Variants in SPIDR observed in about 807,000 individuals in gnomAD.
SPIDR encodes the protein scaffold protein involved in DNA repair.
SPIDR carries 93 observed loss-of-function variants against 104.6 expected under a neutral mutation model. The observed-to-expected ratio is 0.89, with a 90% CI of 0.75 to 1.06. The LOEUF is 1.06. Among genes scored for constraint, SPIDR ranks in the 50% least tolerant of loss-of-function variants. The probability of loss-of-function intolerance (pLI) is 0.00; values close to 1 mark genes in which losing one functional copy is unlikely to be tolerated. For synonymous variants in SPIDR, 431 were observed against 416.9 expected (o/e 1.03, Z -0.41); for missense variants, 1,154 against 1,111.2 (o/e 1.04, Z -0.55).
At chr8:47,663,936 C>G (rs1014526316) in intron 10 of SPIDR, among the ~76,000 whole-genome samples, 13 of 152,174 alleles carry the variant, frequency 8.5e-5, no homozygotes, top group African/African-American at 3.1e-4. Context: ...TTTAAAATCT[C>G]TAGAAATTGT....
At position 47,293,955 on chromosome 8, in the gene SPIDR, G is replaced by A. The variant is rs1051149398; in HGVS notation, c.450G>A (p.Val150=). 9 of 1,614,034 alleles carry A rather than the reference G, an allele frequency of 5.6e-6. No individual in the cohort carries two copies. The highest frequency in any genetic ancestry group is 1.7e-5 in the Admixed American group (1 of 59,980). Residue 150 remains valine (V), a synonymous_variant, in exon 5 of 20, where the codon GTG becomes GTA. Coordinates refer to ENST00000297423, the MANE Select transcript of SPIDR (RefSeq NM_001080394.4). ...CDEFEDDEGA[V]EISDCASCAS... is the part of the protein sequence containing the mutation. Reference sequence around the variant, plus strand: ...AATTTGAAGATGACGAGGGTGCTGTGGAAATCTCAGACTGTGCTTCTTGTG... The same window carrying A: ...AATTTGAAGATGACGAGGGTGCTGTAGAAATCTCAGACTGTGCTTCTTGTG...
intron 8 of SPIDR, among the ~76,000 whole-genome samples, chr8:47,579,867 A>G (rs759809449): frequency 4.5e-4 from 69 of 152,160 alleles, no homozygotes; most frequent in Non-Finnish European, 8.4e-4. Flanking sequence ...TTCCTTACCC[A>G]TATCCAAGTA....
At position 47,595,858 on chromosome 8, in the gene SPIDR, C is replaced by T. The variant is rs997700443; in HGVS notation, c.1145C>T (p.Thr382Ile). Residue 382 changes from threonine to isoleucine, a missense_variant, in exon 9 of 20, where the codon ACT becomes ATT. Transcript: ENST00000297423. The stretch of plus-strand genomic sequence containing the variant: ...GGAAGTTGCCCTGTTATTCTGAATA[C>T]TTACTTTTGTGAGAAAGTTGTTGCC... ...PSGSCPVILN[T>I]YFCEKVVAKE... is the part of the protein sequence containing the mutation. 1 of 1,614,090 alleles carries T rather than the reference C, an allele frequency of 6.2e-7. No individual in the cohort carries two copies. The highest frequency in any genetic ancestry group is 1.7e-5 in the Admixed American group (1 of 60,004).
chr8:47,541,435 T>C (rs993242076), intron 8 of SPIDR, among the ~76,000 whole-genome samples: 1 of 152,202 alleles, frequency 6.6e-6, no homozygotes, highest in Non-Finnish European at 1.5e-5. Context: ...GTTTAAAATA[T>C]AGTGAATAGA....
intron 8 of SPIDR, among the ~76,000 whole-genome samples, chr8:47,562,211 G>A (rs2057172236): frequency 6.6e-6 from 1 of 152,138 alleles, no homozygotes; most frequent in Non-Finnish European, 1.5e-5. Flanking sequence ...CCATTCCTTG[G>A]ATGGTATTTG....
At chr8:47,448,206 TA>T (rs1554703349) in intron 8 of SPIDR, among the ~76,000 whole-genome samples, 1 of 152,230 alleles carries the variant, frequency 6.6e-6, no homozygotes, top group African/African-American at 2.4e-5. Flanking sequence ...TTGCTTTGGC[TA>T]AAACATTCAA....
At chr8:47,357,238 A>G (rs1350555184) in intron 5 of SPIDR, among the ~76,000 whole-genome samples, 1 of 152,178 alleles carries the variant, frequency 6.6e-6, no homozygotes, top group Admixed American at 6.5e-5. Flanking sequence ...ATCTTTTACT[A>G]AGAGTCTGGC....
intron 5 of SPIDR, among the ~76,000 whole-genome samples, chr8:47,374,478 T>C (rs906109037): frequency 1.3e-5 from 2 of 152,232 alleles, no homozygotes; most frequent in Non-Finnish European, 2.9e-5. Flanking sequence ...TGTCCCATTT[T>C]GGTTATATTT....
At chr8:47,684,238 C>G (rs1468796606) in intron 11 of SPIDR, among the ~76,000 whole-genome samples, 1 of 151,230 alleles carries the variant, frequency 6.6e-6, no homozygotes, top group African/African-American at 2.4e-5. Flanking sequence ...GAAGTGTTCT[C>G]AAAAGTGACT....
chr8:47,469,445 A>C (rs1307361696), intron 8 of SPIDR, among the ~76,000 whole-genome samples: 1 of 152,192 alleles, frequency 6.6e-6, no homozygotes, highest in Middle Eastern at 3.2e-3. Flanking sequence ...CATTGTTGAC[A>C]ATAGCAAAAA....
chr8:47,634,154 T>G (rs1395187433), intron 10 of SPIDR, among the ~76,000 whole-genome samples: 3 of 133,300 alleles, frequency 2.3e-5, no homozygotes, highest in South Asian at 2.4e-4. Context: ...AATGCAACTT[T>G]GAAAAACAAC....
chr8:47,626,341 G>T (rs1156427548), intron 10 of SPIDR, among the ~76,000 whole-genome samples: 1 of 152,178 alleles, frequency 6.6e-6, no homozygotes. Flanking sequence ...AGGACTCCAT[G>T]ACTAAAACAC....
chr8:47,435,326 CTG>C (rs4021912), intron 7 of SPIDR, among the ~76,000 whole-genome samples: 3,252 of 145,374 alleles, frequency 0.022, 91 homozygotes, highest in African/African-American at 0.067. Context: ...TTGCTCAGAT[CTG>C]TGTGTGTGTG....
At chr8:47,504,107 T>C (rs544280351) in intron 8 of SPIDR, among the ~76,000 whole-genome samples, 1 of 152,346 alleles carries the variant, frequency 6.6e-6, no homozygotes, top group Admixed American at 6.5e-5. Context: ...CTGACAATTA[T>C]GTGTCTTGGA....
At chr8:47,358,743 G>T (rs2055087675) in intron 5 of SPIDR, among the ~76,000 whole-genome samples, 1 of 152,168 alleles carries the variant, frequency 6.6e-6, no homozygotes, top group South Asian at 2.1e-4. Flanking sequence ...TACTTCAGTA[G>T]CAGAATTTTA....
intron 5 of SPIDR, among the ~76,000 whole-genome samples, chr8:47,331,899 G>A (rs1349252135): frequency 7.0e-6 from 1 of 142,308 alleles, no homozygotes; most frequent in Non-Finnish European, 1.5e-5. Flanking sequence ...CCAGGCTGGA[G>A]TGCAGTGGCG....
intron 8 of SPIDR, among the ~76,000 whole-genome samples, chr8:47,574,918 T>C (rs1017566990): frequency 5.7e-4 from 87 of 152,260 alleles, no homozygotes; most frequent in African/African-American, 2.0e-3. Context: ...TGTGATGATC[T>C]GAATCTATTT....
intron 7 of SPIDR, among the ~76,000 whole-genome samples, chr8:47,437,321 C>T (rs2068528537): frequency 6.7e-6 from 1 of 149,832 alleles, no homozygotes; most frequent in South Asian, 2.1e-4. Flanking sequence ...TCAATTCCCA[C>T]CTGTGAGTGA....
rs982835348 is a variant in SPIDR at position 47,360,863 on chromosome 8, C to T, written c.526-35513C>T. On this transcript the variant is annotated intron_variant, in intron 5 of 19. Transcript: ENST00000297423. The stretch of plus-strand genomic sequence containing the variant: ...TGGTGTTTTCAGCCTTCTTCTTGGA[C>T]GTGCTGGACCACAGACACTGCTTTG... 142 of 985,422 alleles carry T rather than the reference C, an allele frequency of 1.4e-4. No homozygotes were observed. In the Middle Eastern group the frequency reaches 4.2e-3, roughly 29 times the overall value. The allele number at this position is 985,422 out of a possible 1,614,324, so 61.0% of individuals were successfully genotyped here.
Sources: gnomAD v4.1 joint callset for allele counts (sites outside exome capture counted in the v4.1 genomes callset) on GRCh38, gnomAD v4.1.1 for gene constraint, MANE v1.5 for transcripts, NCBI Gene and HGNC (gene_info 2026-07-23, HGNC 2026-07-21) for gene names.